The following HORMAD2 variants were observed in gnomAD, a reference collection of about 807,000 sequenced individuals.
HORMAD2 encodes the protein HORMA domain containing 2.
In HORMAD2, 45 loss-of-function variants were observed where a neutral mutation model predicts 38.8. The observed-to-expected ratio is 1.16, with a 90% CI of 0.91 to 1.49. HORMAD2 has a LOEUF of 1.49. Ranked by LOEUF, HORMAD2 falls within the 40% of genes most tolerant of loss-of-function variation. The pLI, the probability that HORMAD2 is intolerant of heterozygous loss-of-function variation, is 0.00. For synonymous variants in HORMAD2, 126 were observed against 122.8 expected, an observed-to-expected ratio of 1.03 and a Z score of -0.17; for missense variants, 338 against 367.0, an observed-to-expected ratio of 0.92 and a Z score of 0.65.
intron 10 of HORMAD2, among the ~76,000 whole-genome samples, chr22:30,163,581 C>T (rs994707247): frequency 2.6e-5 from 4 of 151,980 alleles, no homozygotes; most frequent in African/African-American, 9.7e-5. Context: ...CATGTACCAC[C>T]ACGCCCAGCT....
chr22:30,148,012 GT>G (rs1246536593), intron 10 of HORMAD2, among the ~76,000 whole-genome samples: 2 of 152,082 alleles, frequency 1.3e-5, no homozygotes, highest in African/African-American at 4.8e-5. Flanking sequence ...GGAAATAAAG[GT>G]GTACAGTCAC....
intron 10 of HORMAD2, among the ~76,000 whole-genome samples, chr22:30,130,304 T>C (rs1225572925): frequency 6.6e-6 from 1 of 152,176 alleles, no homozygotes; most frequent in Non-Finnish European, 1.5e-5. Context: ...CACTTTCTGG[T>C]GTGATTCTTA....
rs1465321491 is a variant in HORMAD2, at chr22:30,103,871, A to C, written c.257+371A>C. On this transcript the variant is annotated intron_variant, in intron 4 of 10. Coordinates refer to ENST00000336726, the MANE Select transcript of HORMAD2 (RefSeq NM_152510.4). ...GAGACAGGGTTTCACCATCTTGGCCAGGATGGTCTCGATCTCTTGACCTCA... is the reference window on the plus strand; with the variant it reads ...GAGACAGGGTTTCACCATCTTGGCCCGGATGGTCTCGATCTCTTGACCTCA... Among the ~76,000 whole-genome samples the C allele has an allele frequency of 3.3e-5, 5 of 151,608 alleles. No homozygotes were observed. In the East Asian group the frequency reaches 7.8e-4, roughly 24 times the overall value.
Position 30,093,904 on chromosome 22 carries a change from A to AT in HORMAD2, c.-37-6dup. ...TGGCAAGGTCTCTAATTAATTAATTATTTTTTAATAGGTTGGACTTGTTGA... is the reference window on the plus strand; with the variant it reads ...TGGCAAGGTCTCTAATTAATTAATTATTTTTTTAATAGGTTGGACTTGTTGA... On this transcript the variant is annotated splice_polypyrimidine_tract_variant and intron_variant, in intron 1 of 10. Coordinates refer to ENST00000336726, the MANE Select transcript of HORMAD2 (RefSeq NM_152510.4). The AT allele has an allele frequency of 1.5e-6, 2 of 1,339,518 alleles. No homozygotes were observed. Among genetic ancestry groups the AT allele is most frequent in the African/African-American group, 1.5e-5 (1 of 68,146 alleles). 83.0% of individuals were successfully genotyped at this position (1,339,518 alleles called of 1,614,324 possible). A position where few individuals can be genotyped will look rare whatever the true frequency, so the allele number is the denominator to read the frequency against.
intron 7 of HORMAD2, among the ~76,000 whole-genome samples, chr22:30,116,395 A>G (rs1372756786): frequency 6.6e-6 from 1 of 152,230 alleles, no homozygotes; most frequent in Non-Finnish European, 1.5e-5. Context: ...TTTTGGCTGC[A>G]GAACAGAGAA....
chr22:30,150,386 G>A (rs368728079), intron 10 of HORMAD2, among the ~76,000 whole-genome samples: 11 of 152,084 alleles, frequency 7.2e-5, no homozygotes, highest in South Asian at 2.1e-4. Flanking sequence ...TCTTGCTCAT[G>A]GTTACAGAAT....
intron 10 of HORMAD2, among the ~76,000 whole-genome samples, chr22:30,167,372 A>C (rs569563099): frequency 6.6e-6 from 1 of 152,334 alleles, no homozygotes; most frequent in Non-Finnish European, 1.5e-5. Context: ...AATTTAGGAC[A>C]TGAACATCTT....
chr22:30,185,033 G>A, the HORMAD2 span, among the ~76,000 whole-genome samples: 1 of 152,298 alleles, frequency 6.6e-6, no homozygotes, highest in East Asian at 1.9e-4. Context: ...GCAAAATGTG[G>A]ATAGTGAACC....
chr22:30,193,038 A>G, the HORMAD2 span, among the ~76,000 whole-genome samples: 3 of 152,260 alleles, frequency 2.0e-5, no homozygotes, highest in African/African-American at 7.2e-5. Flanking sequence ...GATATATCAA[A>G]AAAGATCTTT....
chr22:30,187,000 G>A, the HORMAD2 span, among the ~76,000 whole-genome samples: 3 of 152,140 alleles, frequency 2.0e-5, no homozygotes, highest in Non-Finnish European at 2.9e-5. Flanking sequence ...CAAATGTCAA[G>A]CATCCACTCT....
upstream of HORMAD2, among the ~76,000 whole-genome samples, chr22:30,079,705 A>T (rs957620809): frequency 3.4e-5 from 5 of 145,416 alleles, no homozygotes; most frequent in East Asian, 4.1e-4. Context: ...TTTGAGACGG[A>T]GTCTCGCTCT....
chr22:30,158,183 T>C (rs1323806473), intron 10 of HORMAD2, among the ~76,000 whole-genome samples: 1 of 151,916 alleles, frequency 6.6e-6, no homozygotes, highest in East Asian at 1.9e-4. Context: ...ATCCCCAGTG[T>C]AAATATTTCC....
At chr22:30,088,313 A>G (rs1315542891) in intron 1 of HORMAD2, among the ~76,000 whole-genome samples, 1 of 151,116 alleles carries the variant, frequency 6.6e-6, no homozygotes, top group Non-Finnish European at 1.5e-5. Context: ...ATATACATAT[A>G]TGTATAAAAT....
intron 1 of HORMAD2, among the ~76,000 whole-genome samples, chr22:30,087,979 A>C (rs555449260): frequency 0.01 from 1,527 of 151,740 alleles, 30 homozygotes; most frequent in African/African-American, 0.035. Flanking sequence ...CTCTCTCTAT[A>C]TATATACATA....
upstream of HORMAD2, among the ~76,000 whole-genome samples, chr22:30,079,632 A>G (rs1321112674): frequency 6.6e-6 from 1 of 151,924 alleles, no homozygotes; most frequent in Non-Finnish European, 1.5e-5. Context: ...CAGCCTCCCG[A>G]GCAGCTGGGA....
At chr22:30,119,075 A>G (rs1373593913) in intron 8 of HORMAD2, 28 bp downstream of exon 8, 11 of 1,444,666 alleles carry the variant, frequency 7.6e-6, no homozygotes, top group South Asian at 1.2e-5. Flanking sequence ...AATGAACATG[A>G]GAAATAAATA....
intron 10 of HORMAD2, among the ~76,000 whole-genome samples, chr22:30,173,820 T>G (rs1926266688): frequency 6.6e-6 from 1 of 152,120 alleles, no homozygotes. Flanking sequence ...AGGAGAACAT[T>G]CAAGTAACAA....
chr22:30,124,372 A>G (rs1413555457), intron 10 of HORMAD2, among the ~76,000 whole-genome samples: 1 of 152,190 alleles, frequency 6.6e-6, no homozygotes, highest in African/African-American at 2.4e-5. Flanking sequence ...AATAGACTAC[A>G]TAAAAATATG....
At chr22:30,129,907 G>A (rs1055697913) in intron 10 of HORMAD2, among the ~76,000 whole-genome samples, 1 of 152,140 alleles carries the variant, frequency 6.6e-6, no homozygotes, top group Non-Finnish European at 1.5e-5. Context: ...GGTAGCATCA[G>A]AAATTCTGTC....
Sources: gnomAD v4.1 joint callset for allele counts (sites outside exome capture counted in the v4.1 genomes callset) on GRCh38, gnomAD v4.1.1 for gene constraint, MANE v1.5 for transcripts, NCBI Gene and HGNC (gene_info 2026-07-23, HGNC 2026-07-21) for gene names.